Variants in SCAPER observed in about 807,000 individuals in gnomAD.
The protein encoded by SCAPER is S phase cyclin A-associated protein in the endoplasmic reticulum.
Under a neutral mutation model 182.2 loss-of-function variants are expected in SCAPER, and 98 were observed. The observed-to-expected ratio is 0.54, with a 90% confidence interval of 0.46 to 0.64. The LOEUF is 0.64. SCAPER is among the 30% of genes least tolerant of loss of function. The pLI is 0.00. For synonymous variants in SCAPER, 605 were observed against 564.6 expected, an observed-to-expected ratio of 1.07 and a Z score of -1.01; for missense variants, 1,432 against 1,690.0, an observed-to-expected ratio of 0.85 and a Z score of 2.68.
chr15:76,570,672 T>C (rs1195443109), intron 23 of SCAPER, among the ~76,000 whole-genome samples: 1 of 152,138 alleles, frequency 6.6e-6, no homozygotes, highest in Non-Finnish European at 1.5e-5. Context: ...TCTGCTTACT[T>C]ATCATGACTT....
At chr15:76,644,124 C>G (rs963717037) in intron 21 of SCAPER, among the ~76,000 whole-genome samples, 2 of 152,096 alleles carry the variant, frequency 1.3e-5, no homozygotes, top group Non-Finnish European at 2.9e-5. Flanking sequence ...AGGGGTCAGA[C>G]AGAGTCTTTA....
intron 20 of SCAPER, among the ~76,000 whole-genome samples, chr15:76,676,546 GAAATA>G (rs2146936746): frequency 1.3e-5 from 2 of 152,168 alleles, no homozygotes; most frequent in Admixed American, 1.3e-4. Context: ...TTGCCATAAT[GAAATA>G]GAGATGTACA....
chr15:76,441,865 T>C (rs1196717312), intron 25 of SCAPER, among the ~76,000 whole-genome samples: 1 of 152,194 alleles, frequency 6.6e-6, no homozygotes, highest in Non-Finnish European at 1.5e-5. Flanking sequence ...AGACTTTGTC[T>C]TGATCACTGC....
chr15:76,367,570 C>G (rs2041893730), intron 29 of SCAPER, among the ~76,000 whole-genome samples: 1 of 152,174 alleles, frequency 6.6e-6, no homozygotes, highest in African/African-American at 2.4e-5. Flanking sequence ...GCCCCTCAGG[C>G]TGGCTGCTGC....
chr15:76,459,374 C>T (rs1259228614), intron 25 of SCAPER, among the ~76,000 whole-genome samples: 1 of 152,020 alleles, frequency 6.6e-6, no homozygotes, highest in African/African-American at 2.4e-5. Context: ...TATACATATT[C>T]TGTATATATT....
At chr15:76,694,474 T>G (rs932871924) in intron 20 of SCAPER, among the ~76,000 whole-genome samples, 4 of 152,138 alleles carry the variant, frequency 2.6e-5, no homozygotes, top group African/African-American at 9.6e-5. Context: ...TTATGTTGTG[T>G]ACATTGAATG....
At chr15:76,877,047 G>C (rs2073220649) in intron 2 of SCAPER, among the ~76,000 whole-genome samples, 2 of 152,010 alleles carry the variant, frequency 1.3e-5, no homozygotes, top group South Asian at 4.1e-4. Flanking sequence ...ACCAGCCTGG[G>C]AAACATAGGG....
chr15:76,774,734 C>A, intron 9 of SCAPER, 121 bp downstream of exon 9: 1 of 1,049,792 alleles, frequency 9.5e-7, no homozygotes, highest in Non-Finnish European at 1.3e-6. Context: ...TTCTGTAGGT[C>A]TATAGACCTG....
At chr15:76,748,579 A>C (rs2061928783) in intron 15 of SCAPER, among the ~76,000 whole-genome samples, 1 of 151,652 alleles carries the variant, frequency 6.6e-6, no homozygotes, top group African/African-American at 2.4e-5. Context: ...AAATTAAAGA[A>C]AATATTTGCA....
intron 14 of SCAPER, among the ~76,000 whole-genome samples, chr15:76,762,146 A>C (rs2062826698): frequency 6.6e-6 from 1 of 152,250 alleles, no homozygotes; most frequent in East Asian, 1.9e-4. Context: ...CTTCGTGTTC[A>C]GCCAAGTCTG....
intron 29 of SCAPER, among the ~76,000 whole-genome samples, chr15:76,372,000 T>C (rs2042218396): frequency 6.6e-6 from 1 of 152,160 alleles, no homozygotes; most frequent in South Asian, 2.1e-4. Flanking sequence ...ATTACTATCT[T>C]TTCTATCAGC....
intron 27 of SCAPER, among the ~76,000 whole-genome samples, chr15:76,382,907 ACT>A (rs1422670090): frequency 6.6e-6 from 1 of 151,532 alleles, no homozygotes; most frequent in Admixed American, 6.6e-5. Context: ...TCTTCATGAC[ACT>A]CTGATTTTTC....
intron 22 of SCAPER, among the ~76,000 whole-genome samples, chr15:76,618,804 G>A (rs1047705779): frequency 7.2e-5 from 11 of 152,142 alleles, no homozygotes; most frequent in African/African-American, 2.7e-4. Context: ...TTACAAAAAT[G>A]AGAAAGAAAG....
chr15:76,572,919 T>TCACACACACA lies in SCAPER; in HGVS notation c.2838+1229_2838+1238dup, dbSNP rs58395846. Among the ~76,000 whole-genome samples, 581 of 135,214 alleles carry TCACACACACA rather than the reference T, an allele frequency of 4.3e-3. 11 individuals carry two copies. The highest frequency in any genetic ancestry group is 0.015 in the African/African-American group (544 of 35,538). 88.7% of individuals were successfully genotyped at this position (135,214 alleles called of 152,430 possible). ...CTCTCTCTCTCTCTCTCTCTCTCTC[T>TCACACACACA]CACACACACACACACACACACACAC... On this transcript the variant is annotated intron_variant, in intron 23 of 31. Coordinates refer to ENST00000563290, the MANE Select transcript of SCAPER (RefSeq NM_020843.4).
At chr15:76,626,976 T>A (rs373811664) in intron 21 of SCAPER, among the ~76,000 whole-genome samples, 31 of 152,310 alleles carry the variant, frequency 2.0e-4, no homozygotes, top group African/African-American at 7.5e-4. Context: ...AATGTGAGAA[T>A]AGCAAGAGAT....
chr15:76,749,423 G>A (rs927149238), intron 15 of SCAPER, among the ~76,000 whole-genome samples: 1 of 151,966 alleles, frequency 6.6e-6, no homozygotes, highest in Non-Finnish European at 1.5e-5. Flanking sequence ...TTTCCCCTGA[G>A]ACTGGGAACA....
At chr15:76,855,002 G>A (rs2071196930) in intron 4 of SCAPER, among the ~76,000 whole-genome samples, 1 of 151,134 alleles carries the variant, frequency 6.6e-6, no homozygotes, top group Non-Finnish European at 1.5e-5. Context: ...AAACCCTAGA[G>A]GCATCAATGC....
At chr15:76,511,276 A>C (rs1011940507) in intron 23 of SCAPER, among the ~76,000 whole-genome samples, 16 of 152,190 alleles carry the variant, frequency 1.1e-4, no homozygotes, top group Non-Finnish European at 1.5e-5. Context: ...TAAAAGAAAT[A>C]AATAAAATAG....
At chr15:76,653,651 G>A (rs1334711310) in intron 21 of SCAPER, among the ~76,000 whole-genome samples, 1 of 152,166 alleles carries the variant, frequency 6.6e-6, no homozygotes, top group African/African-American at 2.4e-5. Context: ...TAACTGAATA[G>A]CCATATGCAG....
Sources: gnomAD v4.1 joint callset for allele counts (sites outside exome capture counted in the v4.1 genomes callset) on GRCh38, gnomAD v4.1.1 for gene constraint, MANE v1.5 for transcripts, NCBI Gene and HGNC (gene_info 2026-07-23, HGNC 2026-07-21) for gene names.